The following GALNT18 variants were observed in gnomAD, a reference collection of about 807,000 sequenced individuals.
The protein encoded by GALNT18 is GalNAc-transferase 18.
In GALNT18, 44 loss-of-function variants were observed where a neutral mutation model predicts 69.5. The ratio of observed to expected loss-of-function variants is 0.63; its 90% CI spans 0.50 to 0.81. The LOEUF (loss-of-function observed/expected upper bound fraction) is 0.81, where lower values mean the gene tolerates loss of function less well. GALNT18 is among the 40% of genes least tolerant of loss of function. The probability of loss-of-function intolerance (pLI) is 0.00; values close to 1 mark genes in which losing one functional copy is unlikely to be tolerated. For missense variants in GALNT18, 715 were observed against 810.0 expected, an observed-to-expected ratio of 0.88 and a Z score of 1.42; for synonymous variants, 364 against 318.2, an observed-to-expected ratio of 1.14 and a Z score of -1.53.
At chr11:11,585,195 A>G (rs1479036081) in intron 1 of GALNT18, among the ~76,000 whole-genome samples, 1 of 152,254 alleles carries the variant, frequency 6.6e-6, no homozygotes, top group Non-Finnish European at 1.5e-5. Flanking sequence ...GTAACAGAAT[A>G]TAAAACATTT....
intron 1 of GALNT18, among the ~76,000 whole-genome samples, chr11:11,569,526 C>CT (rs1481779703): frequency 6.6e-6 from 1 of 152,162 alleles, no homozygotes; most frequent in Non-Finnish European, 1.5e-5. Flanking sequence ...ACCATGGAAC[C>CT]TCTGCCCAAG....
intron 6 of GALNT18, chr11:11,352,525 C>T (rs750849569): frequency 2.8e-4 from 444 of 1,614,110 alleles, no homozygotes; most frequent in Admixed American, 5.0e-4. Context: ...AGCTCAGGAC[C>T]TTTGAAGTAT....
rs1311596073 is a variant in GALNT18 at position 11,590,672 on chromosome 11, G to T, written c.235+30687C>A. ...CTTGAATCTTGTACAGTCACCCACC[G>T]CATGACGTTCGCTCAATGACAGAAC... is the stretch of plus-strand genomic sequence containing the variant. On this transcript the variant is annotated intron_variant, in intron 1 of 10. Transcript: ENST00000227756. The surrounding 1 kb of genome is among the most constrained non-coding windows in gnomAD (Gnocchi z 4.4). Among the ~76,000 whole-genome samples the T allele has an allele frequency of 6.6e-6, 1 of 152,152 alleles. No homozygotes were observed. The highest frequency in any genetic ancestry group is 1.5e-5 in the Non-Finnish European group (1 of 68,030).
At chr11:11,441,292 T>C (rs1855527022) in intron 2 of GALNT18, among the ~76,000 whole-genome samples, 1 of 152,254 alleles carries the variant, frequency 6.6e-6, no homozygotes. Context: ...CCCCTTTGTT[T>C]GTACAGTTAG....
intron 7 of GALNT18, among the ~76,000 whole-genome samples, chr11:11,333,654 A>T (rs983074358): frequency 2.0e-5 from 3 of 152,122 alleles, no homozygotes; most frequent in Non-Finnish European, 4.4e-5. Flanking sequence ...GAGTCTTGGC[A>T]TCTAGAGTAC....
chr11:11,367,289 T>C (rs1850794568), intron 6 of GALNT18, among the ~76,000 whole-genome samples: 1 of 152,204 alleles, frequency 6.6e-6, no homozygotes, highest in Non-Finnish European at 1.5e-5. Context: ...GGATGAGATA[T>C]CTGTGTAAGT....
chr11:11,478,145 C>G (rs1564969247), intron 1 of GALNT18, among the ~76,000 whole-genome samples: 1 of 152,260 alleles, frequency 6.6e-6, no homozygotes, highest in East Asian at 1.9e-4. Flanking sequence ...GAAAAGAAAA[C>G]AAAACAGGTC....
chr11:11,575,709 T>G (rs1263921821), intron 1 of GALNT18, among the ~76,000 whole-genome samples: 1 of 151,962 alleles, frequency 6.6e-6, no homozygotes, highest in East Asian at 1.9e-4. Context: ...CCCAGCACAG[T>G]GTGTCTGAAA....
At chr11:11,574,736 G>T (rs1223363551) in intron 1 of GALNT18, among the ~76,000 whole-genome samples, 2 of 151,738 alleles carry the variant, frequency 1.3e-5, no homozygotes, top group East Asian at 3.9e-4. Context: ...GGACAGCTAA[G>T]AGATCCACAC....
In GALNT18 at chr11:11,332,670, AC is replaced by A. The variant is rs371992963; in HGVS notation, c.1416+23del. ...TTCTTTCTGTCTGTGTCTGAATGAA[AC>A]CCGGAGGAGGCCAGCTCCTTACCAC... On this transcript the variant is annotated intron_variant, in intron 8 of 10. Coordinates refer to ENST00000227756, the MANE Select transcript of GALNT18 (RefSeq NM_198516.3). The surrounding 1 kb of genome is among the most constrained non-coding windows in gnomAD (Gnocchi z 4.3). 46 of 1,611,902 alleles carry A rather than the reference AC, an allele frequency of 2.9e-5. No individual in the cohort carries two copies. The East Asian group carries it at 8.5e-4, about 30-fold the overall frequency.
At chr11:11,557,420 C>T (rs1858357991) in intron 1 of GALNT18, among the ~76,000 whole-genome samples, 2 of 152,116 alleles carry the variant, frequency 1.3e-5, no homozygotes, top group Non-Finnish European at 2.9e-5. Context: ...TCTTAAATTA[C>T]CTAATTTCTC....
chr11:11,385,921 G>T (rs1854046658), intron 3 of GALNT18, among the ~76,000 whole-genome samples: 1 of 152,110 alleles, frequency 6.6e-6, no homozygotes, highest in Non-Finnish European at 1.5e-5. Flanking sequence ...AAAAAGAGTA[G>T]ATCTGGATGC....
At position 11,605,506 on chromosome 11, in the gene GALNT18, G is replaced by A. The variant is rs1325093401; in HGVS notation, c.235+15853C>T. On this transcript the variant is annotated intron_variant, in intron 1 of 10. Coordinates refer to ENST00000227756, the MANE Select transcript of GALNT18 (RefSeq NM_198516.3). This position sits in a 1 kb window ranked among gnomAD's most constrained non-coding sequence, Gnocchi z 4.7. ...ATTCTGAGGTTCTCACAGACCTCGG[G>A]GTGAACAGGAGGCCCTCTGTTTCTG... Among the ~76,000 whole-genome samples, 1 of 152,146 alleles carries A rather than the reference G, an allele frequency of 6.6e-6. No homozygotes were observed. The highest frequency in any genetic ancestry group is 1.9e-4 in the East Asian group (1 of 5,188).
intron 10 of GALNT18, among the ~76,000 whole-genome samples, chr11:11,286,083 G>A (rs560914257): frequency 2.0e-5 from 3 of 152,248 alleles, no homozygotes; most frequent in South Asian, 2.1e-4. Flanking sequence ...AGCACAGGGG[G>A]CTGGGGTGTG....
chr11:11,445,837 T>C (rs916212382), intron 2 of GALNT18, among the ~76,000 whole-genome samples: 4 of 152,148 alleles, frequency 2.6e-5, no homozygotes, highest in Non-Finnish European at 5.9e-5. Flanking sequence ...TAAAGTTCTG[T>C]GCAGAGGGAA....
intron 3 of GALNT18, among the ~76,000 whole-genome samples, chr11:11,384,956 G>A (rs890664379): frequency 6.6e-6 from 1 of 152,176 alleles, no homozygotes; most frequent in African/African-American, 2.4e-5. Flanking sequence ...ACCTGAGGCT[G>A]GGTAATTTAC....
chr11:11,274,834 G>C (rs1231287603), intron 10 of GALNT18, among the ~76,000 whole-genome samples: 1 of 152,210 alleles, frequency 6.6e-6, no homozygotes, highest in Non-Finnish European at 1.5e-5. Context: ...TCTTATGATA[G>C]TTTGCTGAGG....
At position 11,383,829 on chromosome 11, in the gene GALNT18, CTCTCTCTCTCTG is replaced by C. The variant is rs1466512508; in HGVS notation, c.596-4577_596-4566del. ...AGTGTGGCACTTCCTCTCTCTCTCTCTCTCTCTCTCTGTCTCTCTCTCCCTCTCTCTCCTGCC... is the reference window on the plus strand; with the variant it reads ...AGTGTGGCACTTCCTCTCTCTCTCTCTCTCTCTCTCCCTCTCTCTCCTGCC... On this transcript the variant is annotated intron_variant, in intron 3 of 10. Coordinates refer to ENST00000227756, the MANE Select transcript of GALNT18 (RefSeq NM_198516.3). The surrounding 1 kb of genome is among the most constrained non-coding windows in gnomAD (Gnocchi z 5.2). 2.0e-5 allele frequency among the ~76,000 whole-genome samples: 3 copies of C among 151,658 alleles called. No individual in the cohort carries two copies. The highest frequency in any genetic ancestry group is 2.9e-5 in the Non-Finnish European group (2 of 67,846).
At chr11:11,360,407 G>A (rs1386819597) in intron 6 of GALNT18, among the ~76,000 whole-genome samples, 1 of 152,240 alleles carries the variant, frequency 6.6e-6, no homozygotes, top group East Asian at 1.9e-4. Flanking sequence ...ATTATGCTCA[G>A]TGATGAATTT....
Sources: allele counts gnomAD v4.1 joint callset (sites outside exome capture counted in the v4.1 genomes callset), GRCh38; gene constraint gnomAD v4.1.1; non-coding constraint Gnocchi (gnomAD v3.1); transcripts MANE v1.5; gene names NCBI Gene and HGNC (gene_info 2026-07-23, HGNC 2026-07-21).